ATRN: variants seen among roughly 807,000 people sequenced by gnomAD.
ATRN encodes the protein attractin.
ATRN carries 54 observed loss-of-function variants against 178.7 expected under a neutral mutation model. The ratio of observed to expected loss-of-function variants is 0.30; its 90% confidence interval spans 0.24 to 0.38. ATRN has a LOEUF of 0.38. Among genes scored for constraint, ATRN ranks in the 10% least tolerant of loss-of-function variants. The probability of loss-of-function intolerance (pLI) is 1.00; values close to 1 mark genes in which losing one functional copy is unlikely to be tolerated. For missense variants in ATRN, 1,443 were observed against 1,815.1 expected, an observed-to-expected ratio of 0.79 and a Z score of 3.73; for synonymous variants, 636 against 663.0, an observed-to-expected ratio of 0.96 and a Z score of 0.63.
At position 3,639,063 on chromosome 20, in the gene ATRN, A is replaced by G. The variant is rs80030877; in HGVS notation, c.4050+128A>G. 8.5e-4 allele frequency: 563 copies of G among 663,048 alleles called. 7 individuals carry two copies. In the East Asian group the frequency reaches 0.014, roughly 17 times the overall value. 41.1% of individuals were successfully genotyped at this position (663,048 alleles called of 1,614,324 possible). On this transcript the variant is annotated intron_variant, in intron 27 of 28. Coordinates refer to ENST00000262919, the MANE Select transcript of ATRN (RefSeq NM_139321.3). ...TTTTTTCCTCTCTTTCTTTTTAACA[A>G]TAAGCTAAAACCTGAAGTTGCTGGG... is the stretch of plus-strand genomic sequence containing the variant.
At chr20:3,628,528 C>T (rs1170545057) in intron 25 of ATRN, among the ~76,000 whole-genome samples, 9 of 152,200 alleles carry the variant, frequency 5.9e-5, no homozygotes, top group Admixed American at 3.9e-4. Context: ...CATCCTGCTT[C>T]GTCCCACCTG....
chr20:3,525,640 G>A (rs367976279), intron 1 of ATRN, among the ~76,000 whole-genome samples: 4 of 152,092 alleles, frequency 2.6e-5, no homozygotes, highest in South Asian at 2.1e-4. Context: ...GCATCGATGC[G>A]AGAATCCTCA....
At chr20:3,478,433 C>T (rs1042144910) in intron 1 of ATRN, among the ~76,000 whole-genome samples, 23 of 152,098 alleles carry the variant, frequency 1.5e-4, no homozygotes, top group African/African-American at 5.1e-4. Context: ...AGCTGGAAAC[C>T]ATCATTCTTA....
intron 1 of ATRN, among the ~76,000 whole-genome samples, chr20:3,522,553 A>G (rs2085309701): frequency 6.6e-6 from 1 of 151,956 alleles, no homozygotes; most frequent in African/African-American, 2.4e-5. Flanking sequence ...CCAGCACACC[A>G]CTCGAGCTCT....
intron 24 of ATRN, among the ~76,000 whole-genome samples, chr20:3,613,962 G>A (rs771416334): frequency 3.9e-5 from 6 of 152,144 alleles, no homozygotes; most frequent in Non-Finnish European, 7.3e-5. Flanking sequence ...TTTAAAAATG[G>A]TAATACTAAA....
intron 1 of ATRN, 67 bp downstream of exon 1, chr20:3,471,584 G>T: frequency 7.4e-7 from 1 of 1,360,408 alleles, no homozygotes; most frequent in South Asian, 1.8e-5. Flanking sequence ...CGTTCGAGAC[G>T]GCTCCAGGTC....
At chr20:3,643,939 C>T (rs941028674) in intron 27 of ATRN, among the ~76,000 whole-genome samples, 1 of 152,208 alleles carries the variant, frequency 6.6e-6, no homozygotes, top group African/African-American at 2.4e-5. Context: ...ACTGCGAGAC[C>T]TCAGTGGAAG....
At chr20:3,508,207 TAA>T (rs938499194) in intron 1 of ATRN, among the ~76,000 whole-genome samples, 4 of 139,764 alleles carry the variant, frequency 2.9e-5, no homozygotes, top group South Asian at 2.3e-4. Context: ...ATTTTCTTAT[TAA>T]AAAAAAAAAA....
At chr20:3,515,707 A>G (rs1156496071) in intron 1 of ATRN, among the ~76,000 whole-genome samples, 1 of 152,162 alleles carries the variant, frequency 6.6e-6, no homozygotes, top group African/African-American at 2.4e-5. Flanking sequence ...ATATGAGCAG[A>G]AGGGGGTTTG....
chr20:3,625,131 C>T (rs2146315436), intron 25 of ATRN, among the ~76,000 whole-genome samples: 1 of 152,258 alleles, frequency 6.6e-6, no homozygotes, highest in Non-Finnish European at 1.5e-5. Context: ...AATAGCCTGC[C>T]TTGCGCCTTC....
intron 23 of ATRN, 36 bp downstream of exon 23, chr20:3,601,060 G>A (rs751500878): frequency 7.1e-6 from 11 of 1,542,804 alleles, no homozygotes; most frequent in Non-Finnish European, 8.9e-6. Flanking sequence ...CGCAAATGAA[G>A]GTGTGGTAGA....
intron 24 of ATRN, among the ~76,000 whole-genome samples, chr20:3,620,891 C>T (rs781406471): frequency 3.3e-5 from 5 of 152,214 alleles, no homozygotes; most frequent in Admixed American, 1.3e-4. Context: ...GTTTGTCCAA[C>T]CCATGGCCCG....
intron 1 of ATRN, among the ~76,000 whole-genome samples, chr20:3,504,699 TAA>T (rs1044865773): frequency 2.3e-5 from 2 of 85,132 alleles, no homozygotes; most frequent in African/African-American, 1.2e-4. Flanking sequence ...ATAATAATAA[TAA>T]TAATAATAAT....
intron 1 of ATRN, among the ~76,000 whole-genome samples, chr20:3,504,255 A>G (rs2146113734): frequency 6.6e-6 from 1 of 152,320 alleles, no homozygotes; most frequent in African/African-American, 2.4e-5. Context: ...TGTTGCTAGC[A>G]GAACAACCCT....
intron 13 of ATRN, among the ~76,000 whole-genome samples, chr20:3,576,152 G>T (rs975284737): frequency 6.6e-6 from 1 of 152,178 alleles, no homozygotes; most frequent in Non-Finnish European, 1.5e-5. Context: ...TTTGTGTATT[G>T]TGTTTTAGAA....
In ATRN at chr20:3,647,486, T is replaced by C. The variant is rs1198557801; in HGVS notation, c.*639T>C. 6.6e-6 allele frequency: 1 copy of C among 152,596 alleles called. No individual in the cohort carries two copies. The highest frequency in any genetic ancestry group is 1.5e-5 in the Non-Finnish European group (1 of 68,050). The allele number at this position is 152,596 out of a possible 1,614,324, so 9.5% of individuals were successfully genotyped here. A position where few individuals can be genotyped will look rare whatever the true frequency, so the allele number is the denominator to read the frequency against. On this transcript the variant is annotated 3_prime_UTR_variant, in exon 29 of 29. Transcript: ENST00000262919. The stretch of plus-strand genomic sequence containing the variant: ...CAGTGTTACTTTGAATGTAAACTGG[T>C]ATAATAGGTAGTTTTCTATAGTAAC...
intron 6 of ATRN, among the ~76,000 whole-genome samples, chr20:3,556,497 G>A (rs1479111705): frequency 1.3e-5 from 2 of 152,164 alleles, no homozygotes; most frequent in Non-Finnish European, 2.9e-5. Flanking sequence ...AGGCCATTAT[G>A]GAGTTTGAAA....
At chr20:3,498,531 C>T (rs1443827831) in intron 1 of ATRN, among the ~76,000 whole-genome samples, 13 of 151,844 alleles carry the variant, frequency 8.6e-5, no homozygotes, top group East Asian at 1.9e-4. Flanking sequence ...GTTCAATATA[C>T]GCAAATCAAT....
At chr20:3,635,755 C>G (rs1410243822) in intron 26 of ATRN, among the ~76,000 whole-genome samples, 1 of 152,068 alleles carries the variant, frequency 6.6e-6, no homozygotes, top group African/African-American at 2.4e-5. Context: ...ACAGTACCAC[C>G]TTTTCTGACC....
Sources: gnomAD v4.1 joint callset for allele counts (sites outside exome capture counted in the v4.1 genomes callset) on GRCh38, gnomAD v4.1.1 for gene constraint, MANE v1.5 for transcripts, NCBI Gene and HGNC (gene_info 2026-07-23, HGNC 2026-07-21) for gene names.